EVC2: variants seen among roughly 807,000 people sequenced by gnomAD.
EVC2 encodes limbin.
EVC2 carries 148 observed loss-of-function variants against 149.3 expected under a neutral mutation model. That is an observed-to-expected ratio of 0.99 (90% CI 0.87 to 1.14). The LOEUF (loss-of-function observed/expected upper bound fraction) is 1.14, where lower values mean the gene tolerates loss of function less well. Ranked by LOEUF, EVC2 falls within the 50% of genes most tolerant of loss-of-function variation. EVC2 has a pLI of 0.00. For synonymous variants in EVC2, 776 were observed against 649.9 expected (o/e 1.19, Z -2.95); for missense variants, 1,854 against 1,627.3 (o/e 1.14, Z -2.40).
downstream of EVC2, among the ~76,000 whole-genome samples, chr4:5,561,709 T>C (rs553563150): frequency 5.4e-4 from 82 of 152,274 alleles, no homozygotes; most frequent in African/African-American, 1.6e-3. Context: ...GGTTTCATCA[T>C]AGGCAAATTA....
intron 16 of EVC2, among the ~76,000 whole-genome samples, chr4:5,612,280 C>T (rs10001382): frequency 0.11 from 16,313 of 152,096 alleles, 1,669 homozygotes; most frequent in African/African-American, 0.27. Flanking sequence ...ATTTCCCAAA[C>T]GGCAATTCCC....
At chr4:5,574,458 A>G (rs1215637613) in intron 19 of EVC2, among the ~76,000 whole-genome samples, 1 of 152,254 alleles carries the variant, frequency 6.6e-6, no homozygotes, top group Non-Finnish European at 1.5e-5. Flanking sequence ...CACAGAAAAG[A>G]CATCGACTGG....
chr4:5,600,435 A>G (rs1713885766), intron 16 of EVC2, among the ~76,000 whole-genome samples: 1 of 152,204 alleles, frequency 6.6e-6, no homozygotes, highest in African/African-American at 2.4e-5. Context: ...TTCTAATGAT[A>G]AAGTACATGC....
chr4:5,672,663 A>G (rs536176566), intron 7 of EVC2, among the ~76,000 whole-genome samples: 2 of 152,164 alleles, frequency 1.3e-5, no homozygotes, highest in South Asian at 2.1e-4. Flanking sequence ...GAGCAATTTC[A>G]CCCCCAAGCA....
intron 12 of EVC2, among the ~76,000 whole-genome samples, chr4:5,627,506 A>G (rs146682012): frequency 5.9e-5 from 9 of 152,354 alleles, no homozygotes; most frequent in African/African-American, 1.4e-4. Context: ...GGAGAGGGTC[A>G]AAGTCCCAAC....
intron 7 of EVC2, among the ~76,000 whole-genome samples, chr4:5,666,004 G>A (rs1482668614): frequency 6.6e-6 from 1 of 152,140 alleles, no homozygotes; most frequent in Non-Finnish European, 1.5e-5. Context: ...CATTTTCTGA[G>A]AATCACAGGT....
Position 5,657,132 on chromosome 4 carries a change from G to A in EVC2, c.1145+5975C>T, listed in dbSNP as rs1718574623. Among the ~76,000 whole-genome samples the A allele has an allele frequency of 1.3e-5, 2 of 152,084 alleles. No homozygotes were observed. Among genetic ancestry groups the A allele is most frequent in the Admixed American group, 6.5e-5 (1 of 15,280 alleles). On this transcript the variant is annotated intron_variant, in intron 9 of 21. Transcript: ENST00000344408. This position sits in a 1 kb window ranked among gnomAD's most constrained non-coding sequence, Gnocchi z 4.7. ...GGGGAAGGCACCTCGTCCAGGCAGG[G>A]AGGCCCACCAGCCTCACACGGGCAC...
At chr4:5,690,231 A>G (rs1169283287) in intron 4 of EVC2, among the ~76,000 whole-genome samples, 1 of 152,188 alleles carries the variant, frequency 6.6e-6, no homozygotes, top group Non-Finnish European at 1.5e-5. Flanking sequence ...AAGGCAAACA[A>G]TGTAGTTGAG....
intron 9 of EVC2, among the ~76,000 whole-genome samples, chr4:5,644,750 A>C (rs538664543): frequency 3.3e-5 from 5 of 152,264 alleles, no homozygotes; most frequent in African/African-American, 1.2e-4. Flanking sequence ...CCACTTTTTT[A>C]GCTCTCACAT....
intron 21 of EVC2, among the ~76,000 whole-genome samples, chr4:5,547,566 C>T (rs568651819): frequency 6.6e-6 from 1 of 152,300 alleles, no homozygotes; most frequent in South Asian, 2.1e-4. Context: ...CCCTCTGAAG[C>T]CCATACAAGC....
rs1182067648 is a variant in EVC2, at chr4:5,640,431, T to C, written c.1470+83A>G. On this transcript the variant is annotated intron_variant, in intron 10 of 21. Transcript: ENST00000344408. This position sits in a 1 kb window ranked among gnomAD's most constrained non-coding sequence, Gnocchi z 4.6. ...TGGGTAGACGGATGGAGGAGGCAAATGGACAGATGAGTGGGTAGATGGATA... is the reference window on the plus strand; with the variant it reads ...TGGGTAGACGGATGGAGGAGGCAAACGGACAGATGAGTGGGTAGATGGATA... 1 of 1,533,690 alleles carries C rather than the reference T, an allele frequency of 6.5e-7. No homozygotes were observed. Among genetic ancestry groups the C allele is most frequent in the East Asian group, 2.2e-5 (1 of 44,540 alleles).
rs1481723349 is a variant in EVC2, at chr4:5,657,407, C to G, written c.1145+5700G>C. Among the ~76,000 whole-genome samples the G allele has an allele frequency of 3.3e-5, 5 of 152,044 alleles. No homozygotes were observed. In the East Asian group the frequency reaches 9.7e-4, roughly 29 times the overall value. On this transcript the variant is annotated intron_variant, in intron 9 of 21. Coordinates refer to ENST00000344408, the MANE Select transcript of EVC2 (RefSeq NM_147127.5). This position sits in a 1 kb window ranked among gnomAD's most constrained non-coding sequence, Gnocchi z 4.7. The stretch of plus-strand genomic sequence containing the variant: ...ACTCCTCTCCAGTCCTTCCATCAAA[C>G]AGAATCTCCCTGCAAGAGTGTCCCA...
At chr4:5,699,815 C>T (rs773003071) in intron 1 of EVC2, among the ~76,000 whole-genome samples, 4 of 151,144 alleles carry the variant, frequency 2.6e-5, no homozygotes, top group Non-Finnish European at 5.9e-5. Flanking sequence ...GAAGTGAGAC[C>T]CTCTCTGAAA....
intron 3 of EVC2, 87 bp from the exon 4 acceptor site, chr4:5,691,420 A>G: frequency 9.0e-7 from 1 of 1,115,042 alleles, no homozygotes; most frequent in Non-Finnish European, 1.3e-6. Context: ...TGAAATTTTT[A>G]CAGAGGGTAG....
chr4:5,665,046 G>C (rs61594381), intron 8 of EVC2, among the ~76,000 whole-genome samples: 2 of 151,158 alleles, frequency 1.3e-5, no homozygotes, highest in African/African-American at 4.9e-5. Flanking sequence ...TGGGATGCCC[G>C]TGGGTAATGG....
intron 19 of EVC2, among the ~76,000 whole-genome samples, chr4:5,572,908 T>C: frequency 6.6e-6 from 1 of 151,974 alleles, no homozygotes; most frequent in East Asian, 1.9e-4. Context: ...AAGAGCAGAG[T>C]ATGTGCATCA....
intron 21 of EVC2, among the ~76,000 whole-genome samples, chr4:5,547,108 G>A (rs1198272930): frequency 6.6e-6 from 1 of 152,246 alleles, no homozygotes; most frequent in African/African-American, 2.4e-5. Context: ...AGAAATGCCT[G>A]CTCCCACTGC....
At chr4:5,631,568 G>T (rs565328940) in intron 11 of EVC2, among the ~76,000 whole-genome samples, 12 of 75,574 alleles carry the variant, frequency 1.6e-4, no homozygotes, top group South Asian at 3.8e-4. Context: ...GCAGTAGACT[G>T]GGGGGGGGAA....
intron 7 of EVC2, among the ~76,000 whole-genome samples, chr4:5,674,067 C>A (rs1719840619): frequency 7.4e-6 from 1 of 134,668 alleles, no homozygotes; most frequent in East Asian, 2.4e-4. Flanking sequence ...GTCTAAGAAT[C>A]ATTTACTTGA....
Sources: allele counts gnomAD v4.1 joint callset (sites outside exome capture counted in the v4.1 genomes callset), GRCh38; gene constraint gnomAD v4.1.1; non-coding constraint Gnocchi (gnomAD v3.1); transcripts MANE v1.5; gene names NCBI Gene and HGNC (gene_info 2026-07-23, HGNC 2026-07-21).